Variants in TMEM117 observed in about 807,000 individuals in gnomAD.
TMEM117 encodes transmembrane protein 117.
In TMEM117, 27 loss-of-function variants were observed where a neutral mutation model predicts 52.4. That is an observed-to-expected ratio of 0.51 (90% CI 0.38 to 0.71). The LOEUF (loss-of-function observed/expected upper bound fraction) is 0.71, where lower values mean the gene tolerates loss of function less well. Among genes scored for constraint, TMEM117 ranks in the 30% least tolerant of loss-of-function variants. The pLI is 0.00. For missense variants in TMEM117, 556 were observed against 630.5 expected, an observed-to-expected ratio of 0.88 and a Z score of 1.26; for synonymous variants, 215 against 206.3, an observed-to-expected ratio of 1.04 and a Z score of -0.36.
chr12:43,797,080 G>A, the TMEM117 span: 2 of 1,595,018 alleles, frequency 1.3e-6, no homozygotes, highest in South Asian at 1.2e-5. Flanking sequence ...GTGTATCCAG[G>A]CATTGAATAA....
intron 3 of TMEM117, among the ~76,000 whole-genome samples, chr12:44,118,845 G>A (rs1175572731): frequency 6.6e-6 from 1 of 152,124 alleles, no homozygotes; most frequent in Admixed American, 6.5e-5. Flanking sequence ...TTTGTCACGA[G>A]TAGGTTTATT....
intron 3 of TMEM117, among the ~76,000 whole-genome samples, chr12:43,977,119 AG>A (rs1945683807): frequency 6.6e-6 from 1 of 152,218 alleles, no homozygotes; most frequent in African/African-American, 2.4e-5. Flanking sequence ...AGGCAGAGCG[AG>A]AGCATAAAAA....
upstream of TMEM117, among the ~76,000 whole-genome samples, chr12:43,833,140 G>T (rs1942992215): frequency 6.6e-6 from 1 of 152,118 alleles, no homozygotes; most frequent in South Asian, 2.1e-4. Context: ...TAAGCCCTGA[G>T]GTTTCTCAAC....
At position 44,230,379 on chromosome 12, in the gene TMEM117, A is replaced by G. The variant is rs571686724; in HGVS notation, c.608+18992A>G. Among the ~76,000 whole-genome samples the G allele has an allele frequency of 7.9e-5, 12 of 152,116 alleles. No individual in the cohort carries two copies. In the South Asian group the frequency reaches 8.3e-4, roughly 11 times the overall value. On this transcript the variant is annotated intron_variant, in intron 5 of 7. Coordinates refer to ENST00000266534, the MANE Select transcript of TMEM117 (RefSeq NM_032256.3). ...TCCACCTCTCTCTCTCTGAAATGGCAATGTCATTCATTTAACTTTGTTTTC... is the reference window on the plus strand; with the variant it reads ...TCCACCTCTCTCTCTCTGAAATGGCGATGTCATTCATTTAACTTTGTTTTC...
intron 2 of TMEM117, among the ~76,000 whole-genome samples, chr12:43,935,812 C>T (rs570134586): frequency 1.4e-4 from 22 of 152,240 alleles, no homozygotes; most frequent in Non-Finnish European, 1.6e-4. Flanking sequence ...AAGACAACTT[C>T]CCAGAGGAGA....
chr12:44,095,843 C>A (rs899557611), intron 3 of TMEM117, among the ~76,000 whole-genome samples: 11 of 152,242 alleles, frequency 7.2e-5, no homozygotes, highest in African/African-American at 2.2e-4. Flanking sequence ...TCCTATTCAA[C>A]ATAGTGTTGG....
At chr12:44,107,313 A>G (rs1947974066) in intron 3 of TMEM117, among the ~76,000 whole-genome samples, 1 of 152,120 alleles carries the variant, frequency 6.6e-6, no homozygotes, top group Non-Finnish European at 1.5e-5. Context: ...AACTCCATGT[A>G]TATTTGTCCA....
chr12:44,075,285 T>C (rs1162373590), intron 3 of TMEM117, among the ~76,000 whole-genome samples: 1 of 152,242 alleles, frequency 6.6e-6, no homozygotes, highest in East Asian at 1.9e-4. Flanking sequence ...CAGCTCTCTG[T>C]GTTCAAATCC....
chr12:43,846,021 T>C (rs1943201839), intron 2 of TMEM117, among the ~76,000 whole-genome samples: 1 of 152,148 alleles, frequency 6.6e-6, no homozygotes, highest in African/African-American at 2.4e-5. Flanking sequence ...TGCCTCCATA[T>C]CACAGCACAT....
intron 3 of TMEM117, among the ~76,000 whole-genome samples, chr12:44,056,075 T>C (rs539549977): frequency 1.3e-4 from 20 of 152,222 alleles, no homozygotes; most frequent in African/African-American, 3.8e-4. Flanking sequence ...TACATCTATA[T>C]TTAACAGTTT....
At chr12:43,884,256 T>G (rs1016823391) in intron 2 of TMEM117, among the ~76,000 whole-genome samples, 1 of 152,124 alleles carries the variant, frequency 6.6e-6, no homozygotes, top group Non-Finnish European at 1.5e-5. Flanking sequence ...AAATATTGTC[T>G]TTGCTTATTA....
At chr12:44,206,014 G>A (rs1949560884) in intron 4 of TMEM117, among the ~76,000 whole-genome samples, 1 of 152,228 alleles carries the variant, frequency 6.6e-6, no homozygotes, top group African/African-American at 2.4e-5. Flanking sequence ...TCAGGGGGCT[G>A]ACAGCCTTCA....
intron 6 of TMEM117, among the ~76,000 whole-genome samples, chr12:44,356,972 T>C (rs1217751882): frequency 6.6e-6 from 1 of 152,158 alleles, no homozygotes; most frequent in East Asian, 1.9e-4. Flanking sequence ...AAGCCAAATT[T>C]GTAAGCACTG....
chr12:44,219,899 T>C (rs1949766117), intron 5 of TMEM117, among the ~76,000 whole-genome samples: 1 of 152,162 alleles, frequency 6.6e-6, no homozygotes, highest in African/African-American at 2.4e-5. Context: ...TTCTGGGTAG[T>C]CTATTTCCTT....
In TMEM117 at chr12:43,886,231, G is replaced by T. The variant is rs185185166; in HGVS notation, c.277+41303G>T. On this transcript the variant is annotated intron_variant, in intron 2 of 7. Coordinates refer to ENST00000266534, the MANE Select transcript of TMEM117 (RefSeq NM_032256.3). ...AAGAGAGAGGAGAACAGGGACTAAG[G>T]AATATAAGGGACATATAGAGGGCGG... Among the ~76,000 whole-genome samples the T allele has an allele frequency of 1.2e-3, 185 of 152,190 alleles. 1 individual carries two copies. The highest frequency in any genetic ancestry group is 2.3e-3 in the Non-Finnish European group (154 of 68,002).
At chr12:43,912,212 T>C (rs1437018893) in intron 2 of TMEM117, among the ~76,000 whole-genome samples, 2 of 144,280 alleles carry the variant, frequency 1.4e-5, no homozygotes, top group East Asian at 2.1e-4. Flanking sequence ...ATGGATGAAA[T>C]TGGAAATCAT....
chr12:43,900,586 C>T (rs1232832295), intron 2 of TMEM117, among the ~76,000 whole-genome samples: 1 of 151,874 alleles, frequency 6.6e-6, no homozygotes, highest in African/African-American at 2.4e-5. Context: ...GGTGTGGTTG[C>T]ACATGCCTGT....
the TMEM117 span, among the ~76,000 whole-genome samples, chr12:43,823,703 G>A: frequency 2.2e-4 from 33 of 151,984 alleles, 1 homozygote; most frequent in African/African-American, 6.3e-4. Context: ...TAGTAGAGAC[G>A]GGGTTTCACC....
intron 4 of TMEM117, among the ~76,000 whole-genome samples, chr12:44,186,424 A>C (rs1190901989): frequency 1.3e-5 from 2 of 152,180 alleles, no homozygotes; most frequent in Non-Finnish European, 2.9e-5. Flanking sequence ...CAACTTTGCA[A>C]ATTCTCTCTG....
Sources: allele counts gnomAD v4.1 joint callset (sites outside exome capture counted in the v4.1 genomes callset), GRCh38; gene constraint gnomAD v4.1.1; transcripts MANE v1.5; gene names NCBI Gene and HGNC (gene_info 2026-07-23, HGNC 2026-07-21).